The following DTNBP1 variants were observed in gnomAD, a reference collection of about 807,000 sequenced individuals.
DTNBP1 encodes dysbindin.
Under a neutral mutation model 42.8 loss-of-function variants are expected in DTNBP1, and 35 were observed. The ratio of observed to expected loss-of-function variants is 0.82; its 90% confidence interval spans 0.63 to 1.09. DTNBP1 has a LOEUF of 1.09. Among genes scored for constraint, DTNBP1 ranks in the 50% least tolerant of loss-of-function variants. The pLI is 0.00. For synonymous variants in DTNBP1, 171 were observed against 162.2 expected, an observed-to-expected ratio of 1.05 and a Z score of -0.41; for missense variants, 457 against 424.2, an observed-to-expected ratio of 1.08 and a Z score of -0.68.
intron 7 of DTNBP1, among the ~76,000 whole-genome samples, chr6:15,541,567 C>G (rs888380234): frequency 1.3e-5 from 2 of 152,158 alleles, no homozygotes; most frequent in African/African-American, 4.8e-5. Flanking sequence ...AGTTTTTCTA[C>G]GACGAGTCAA....
At chr6:15,525,154 C>G (rs988632345) in intron 8 of DTNBP1, among the ~76,000 whole-genome samples, 25 of 152,372 alleles carry the variant, frequency 1.6e-4, no homozygotes, top group Non-Finnish European at 3.4e-4. Context: ...GGGGTTTGAC[C>G]TACATCTGTA....
intron 1 of DTNBP1, among the ~76,000 whole-genome samples, chr6:15,654,054 A>G (rs929414764): frequency 2.6e-5 from 4 of 152,248 alleles, no homozygotes; most frequent in Non-Finnish European, 5.9e-5. Flanking sequence ...TTAGAATGCC[A>G]ATGTCATACA....
chr6:15,651,536 G>A, intron 2 of DTNBP1, 173 bp from the exon 3 acceptor site: 3 of 801,928 alleles, frequency 3.7e-6, no homozygotes, highest in Non-Finnish European at 6.0e-6. Flanking sequence ...TGTACTGTAT[G>A]TAACACACTA....
intron 1 of DTNBP1, among the ~76,000 whole-genome samples, chr6:15,657,370 A>G (rs908629560): frequency 6.6e-6 from 1 of 152,110 alleles, no homozygotes; most frequent in Non-Finnish European, 1.5e-5. Flanking sequence ...CCAAATTCAC[A>G]TTCTCAATTT....
intron 5 of DTNBP1, among the ~76,000 whole-genome samples, chr6:15,619,965 C>T (rs181030427): frequency 5.3e-4 from 80 of 150,524 alleles, no homozygotes; most frequent in Non-Finnish European, 8.4e-4. Flanking sequence ...AATATTTGTG[C>T]TTATAAAAAC....
chr6:15,562,781 A>C (rs930426356), intron 7 of DTNBP1, among the ~76,000 whole-genome samples: 3 of 152,184 alleles, frequency 2.0e-5, no homozygotes, highest in African/African-American at 7.2e-5. Flanking sequence ...GCAGACTCTC[A>C]TATGTCCCTA....
chr6:15,595,613 T>TG (rs1776486774), intron 6 of DTNBP1, among the ~76,000 whole-genome samples: 1 of 152,128 alleles, frequency 6.6e-6, no homozygotes, highest in Admixed American at 6.5e-5. Flanking sequence ...GCAGCAGCAC[T>TG]GAAAGCCTTG....
intron 4 of DTNBP1, among the ~76,000 whole-genome samples, chr6:15,627,687 G>C (rs1369052825): frequency 6.6e-6 from 1 of 151,776 alleles, no homozygotes; most frequent in African/African-American, 2.4e-5. Context: ...GCTTGTATCA[G>C]TGCATCTTAA....
chr6:15,534,170 G>A (rs1407882751), intron 7 of DTNBP1, among the ~76,000 whole-genome samples: 2 of 152,218 alleles, frequency 1.3e-5, no homozygotes. Flanking sequence ...TCAGGGCTGG[G>A]GAGAGGGCGT....
At position 15,587,650 on chromosome 6, in the gene DTNBP1, T is replaced by C. The variant is rs908212425; in HGVS notation, c.511+5409A>G. Among the ~76,000 whole-genome samples, 15 of 152,280 alleles carry C rather than the reference T, an allele frequency of 9.9e-5. No homozygotes were observed. The highest frequency in any genetic ancestry group is 3.6e-4 in the African/African-American group (15 of 41,564). On this transcript the variant is annotated intron_variant, in intron 7 of 9. Transcript: ENST00000344537. The surrounding 1 kb of genome is among the most constrained non-coding windows in gnomAD (Gnocchi z 4.1). ...ATTCAATGGGGAAAAGAAGCTCTTTTCAAAAAATAGTTCTAAGGCTTGTGA... is the reference window on the plus strand; with the variant it reads ...ATTCAATGGGGAAAAGAAGCTCTTTCCAAAAAATAGTTCTAAGGCTTGTGA...
At chr6:15,627,598 A>C (rs1482063287) in intron 4 of DTNBP1, 123 bp from the exon 5 acceptor site, 1 of 1,372,458 alleles carries the variant, frequency 7.3e-7, no homozygotes, top group Non-Finnish European at 9.8e-7. Context: ...ATTACGGTAC[A>C]TTCTAAAAGA....
chr6:15,662,358 G>A lies in DTNBP1; in HGVS notation c.56+456C>T, dbSNP rs186424981. ...CTGTGGCCGGAGGGTGCAGGCTGCT[G>A]CGCGGTGCGATCCGACTCGGGGAGG... On this transcript the variant is annotated intron_variant, in intron 1 of 9. Coordinates refer to ENST00000344537, the MANE Select transcript of DTNBP1 (RefSeq NM_032122.5). Among the ~76,000 whole-genome samples, 181 of 152,344 alleles carry A rather than the reference G, an allele frequency of 1.2e-3. 1 individual carries two copies. The highest frequency in any genetic ancestry group is 3.9e-3 in the African/African-American group (164 of 41,582).
At chr6:15,555,181 A>T (rs1326315540) in intron 7 of DTNBP1, among the ~76,000 whole-genome samples, 1 of 149,818 alleles carries the variant, frequency 6.7e-6, no homozygotes, top group South Asian at 2.2e-4. Flanking sequence ...ACTCCCCTAC[A>T]TAAATACGCA....
intron 7 of DTNBP1, among the ~76,000 whole-genome samples, chr6:15,578,240 C>T (rs116048946): frequency 6.6e-5 from 10 of 152,316 alleles, no homozygotes; most frequent in African/African-American, 2.4e-4. Context: ...GAGCACAGAG[C>T]CCTTCTCTTC....
chr6:15,580,478 T>C (rs1475203279), intron 7 of DTNBP1, among the ~76,000 whole-genome samples: 1 of 152,212 alleles, frequency 6.6e-6, no homozygotes, highest in African/African-American at 2.4e-5. Context: ...GCACAAGTTA[T>C]GCTTAGCATA....
At chr6:15,627,850 A>G (rs12527496) in intron 4 of DTNBP1, among the ~76,000 whole-genome samples, 22,795 of 151,954 alleles carry the variant, frequency 0.15, 1,902 homozygotes, top group East Asian at 0.3. Flanking sequence ...ACAAACATAA[A>G]ACATAATTAA....
intron 4 of DTNBP1, among the ~76,000 whole-genome samples, chr6:15,633,448 A>T (rs764231432): frequency 3.3e-5 from 5 of 152,188 alleles, no homozygotes; most frequent in Non-Finnish European, 7.3e-5. Context: ...AATTGATTCC[A>T]ACCCTCATGG....
chr6:15,537,425 T>G (rs562287557), intron 7 of DTNBP1, among the ~76,000 whole-genome samples: 1 of 148,056 alleles, frequency 6.8e-6, no homozygotes, highest in East Asian at 2.0e-4. Flanking sequence ...TGAGACTGCA[T>G]CTCAAAAAAA....
chr6:15,625,679 T>C (rs1334087640), intron 5 of DTNBP1, among the ~76,000 whole-genome samples: 5 of 152,152 alleles, frequency 3.3e-5, no homozygotes, highest in African/African-American at 1.2e-4. Context: ...ATTTAATCAA[T>C]AGAGTGGTAT....
Sources: gnomAD v4.1 joint callset for allele counts (sites outside exome capture counted in the v4.1 genomes callset) on GRCh38, gnomAD v4.1.1 for gene constraint, Gnocchi (gnomAD v3.1) non-coding constraint, MANE v1.5 for transcripts, NCBI Gene and HGNC (gene_info 2026-07-23, HGNC 2026-07-21) for gene names.